The following UBE2E2 variants were observed in gnomAD, a reference collection of about 807,000 sequenced individuals.
The protein encoded by UBE2E2 is ubiquitin conjugating enzyme E2 E2, also known as ubiquitin-conjugating enzyme E2 E2.
A neutral mutation model predicts 24.7 loss-of-function variants in UBE2E2; 6 were observed. The ratio of observed to expected loss-of-function variants is 0.24; its 90% confidence interval spans 0.13 to 0.48. UBE2E2 has a LOEUF of 0.48. Among genes scored for constraint, UBE2E2 ranks in the 20% least tolerant of loss-of-function variants. The probability of loss-of-function intolerance (pLI) is 0.99; values close to 1 mark genes in which losing one functional copy is unlikely to be tolerated. For missense variants in UBE2E2, 169 were observed against 245.0 expected (o/e 0.69, Z 2.07); for synonymous variants, 104 against 83.6 (o/e 1.24, Z -1.33).
At chr3:23,386,481 A>G (rs1448095785) in intron 3 of UBE2E2, among the ~76,000 whole-genome samples, 2 of 152,212 alleles carry the variant, frequency 1.3e-5, no homozygotes, top group African/African-American at 4.8e-5. Context: ...GTAAAGGAAT[A>G]AGAATGATTA....
chr3:23,551,075 A>G (rs1695632351), intron 5 of UBE2E2, among the ~76,000 whole-genome samples: 1 of 152,244 alleles, frequency 6.6e-6, no homozygotes, highest in South Asian at 2.1e-4. Flanking sequence ...ACTCCCTGTT[A>G]GAGTAAAATG....
chr3:23,488,727 T>G (rs1699433600), intron 3 of UBE2E2, among the ~76,000 whole-genome samples: 2 of 152,228 alleles, frequency 1.3e-5, no homozygotes, highest in South Asian at 4.1e-4. Context: ...AGCTTGTTTA[T>G]ACTGCAGATA....
At chr3:23,460,741 A>G (rs1266086934) in intron 3 of UBE2E2, among the ~76,000 whole-genome samples, 3 of 152,182 alleles carry the variant, frequency 2.0e-5, no homozygotes, top group Non-Finnish European at 2.9e-5. Context: ...TGGGCATGCC[A>G]AGGCAGGAGG....
At chr3:23,311,874 A>C (rs1994953) in intron 3 of UBE2E2, among the ~76,000 whole-genome samples, 128,237 of 152,164 alleles carry the variant, frequency 0.84, 54,158 homozygotes, top group African/African-American at 0.9. Context: ...TACAAACAAT[A>C]CAGTTATACT....
At chr3:23,488,524 C>CT (rs1408163233) in intron 3 of UBE2E2, among the ~76,000 whole-genome samples, 1 of 152,086 alleles carries the variant, frequency 6.6e-6, no homozygotes, top group Non-Finnish European at 1.5e-5. Context: ...ATCTTAACTT[C>CT]TAAATGGAAT....
chr3:23,543,451 C>T lies in UBE2E2; in HGVS notation c.508+10750C>T, dbSNP rs756199606. On this transcript the variant is annotated intron_variant, in intron 5 of 5. Coordinates refer to ENST00000396703, the MANE Select transcript of UBE2E2 (RefSeq NM_152653.4). ...TGAGAATCAAATCATGAACTCATTTCCTCTTACAATAGCTGCAAAAATAAA... is the reference window on the plus strand; with the variant it reads ...TGAGAATCAAATCATGAACTCATTTTCTCTTACAATAGCTGCAAAAATAAA... Among the ~76,000 whole-genome samples, 19 of 151,950 alleles carry T rather than the reference C, an allele frequency of 1.3e-4. No homozygotes were observed. The South Asian group carries it at 1.5e-3, about 12-fold the overall frequency.
chr3:23,436,130 A>T (rs1387587980), intron 3 of UBE2E2, among the ~76,000 whole-genome samples: 1 of 152,114 alleles, frequency 6.6e-6, no homozygotes, highest in Admixed American at 6.5e-5. Context: ...CCAGTTCCTA[A>T]CAGGCTACAG....
chr3:23,348,099 G>C (rs1695616037), intron 3 of UBE2E2, among the ~76,000 whole-genome samples: 1 of 152,130 alleles, frequency 6.6e-6, no homozygotes, highest in African/African-American at 2.4e-5. Flanking sequence ...ATCATCGCAA[G>C]ACGACAATGG....
intron 3 of UBE2E2, among the ~76,000 whole-genome samples, chr3:23,351,757 A>T (rs199694803): frequency 2.0e-5 from 3 of 152,186 alleles, no homozygotes; most frequent in African/African-American, 7.2e-5. Flanking sequence ...ACATACAAAG[A>T]GACTTAGACT....
At chr3:23,459,824 C>A (rs1698769665) in intron 3 of UBE2E2, among the ~76,000 whole-genome samples, 2 of 152,144 alleles carry the variant, frequency 1.3e-5, no homozygotes, top group Non-Finnish European at 1.5e-5. Context: ...AATGAAGCCC[C>A]CTTTTCTTAG....
intron 3 of UBE2E2, among the ~76,000 whole-genome samples, chr3:23,223,248 A>G (rs2125326345): frequency 6.7e-6 from 1 of 148,722 alleles, no homozygotes; most frequent in South Asian, 2.1e-4. Flanking sequence ...GCTGGAGTGC[A>G]GTGGCATGAT....
intron 3 of UBE2E2, among the ~76,000 whole-genome samples, chr3:23,286,469 A>C (rs991273037): frequency 6.6e-6 from 1 of 151,902 alleles, no homozygotes; most frequent in East Asian, 1.9e-4. Flanking sequence ...TAGATGTACA[A>C]TTTGTTTCTG....
chr3:23,341,954 A>G (rs1695400527), intron 3 of UBE2E2, among the ~76,000 whole-genome samples: 1 of 152,240 alleles, frequency 6.6e-6, no homozygotes, highest in African/African-American at 2.4e-5. Flanking sequence ...ATAGTTCCAT[A>G]TAACAAAACT....
At chr3:23,445,700 C>T (rs927097664) in intron 3 of UBE2E2, among the ~76,000 whole-genome samples, 7 of 152,116 alleles carry the variant, frequency 4.6e-5, no homozygotes, top group Admixed American at 1.3e-4. Context: ...TTTTTCATGC[C>T]TCCTGAATGT....
At chr3:23,375,595 C>A (rs1575593144) in intron 3 of UBE2E2, among the ~76,000 whole-genome samples, 1 of 152,136 alleles carries the variant, frequency 6.6e-6, no homozygotes, top group East Asian at 1.9e-4. Flanking sequence ...GCTAGGCATA[C>A]TCTTGTAGTT....
At chr3:23,563,241 A>G (rs1304977528) in intron 5 of UBE2E2, among the ~76,000 whole-genome samples, 1 of 152,186 alleles carries the variant, frequency 6.6e-6, no homozygotes, top group Admixed American at 6.5e-5. Flanking sequence ...ACTGCTTTAA[A>G]TGTGTCCTAG....
rs957166499 is a variant in UBE2E2 at position 23,415,723 on chromosome 3, A to G, written c.228-83885A>G. On this transcript the variant is annotated intron_variant, in intron 3 of 5. Transcript: ENST00000396703. Reference sequence around the variant, plus strand: ...ATATCAGTAAATAAAACCCTTTTCCATATTTCTGAAATTATATTCTTCTTT... The same window carrying G: ...ATATCAGTAAATAAAACCCTTTTCCGTATTTCTGAAATTATATTCTTCTTT... Among the ~76,000 whole-genome samples, 12 of 152,134 alleles carry G rather than the reference A, an allele frequency of 7.9e-5. No individual in the cohort carries two copies. The South Asian group carries it at 1.0e-3, about 13-fold the overall frequency.
intron 2 of UBE2E2, among the ~76,000 whole-genome samples, chr3:23,216,204 G>A (rs759758666): frequency 3.9e-5 from 6 of 151,982 alleles, no homozygotes; most frequent in Non-Finnish European, 5.9e-5. Context: ...CTTGAATCAC[G>A]TGGTTTAGAG....
intron 3 of UBE2E2, among the ~76,000 whole-genome samples, chr3:23,297,898 A>G (rs1559337963): frequency 6.6e-6 from 1 of 151,960 alleles, no homozygotes; most frequent in Non-Finnish European, 1.5e-5. Context: ...TTTTCACGAT[A>G]TTGATTCTTC....
Sources: gnomAD v4.1 joint callset for allele counts (sites outside exome capture counted in the v4.1 genomes callset) on GRCh38, gnomAD v4.1.1 for gene constraint, MANE v1.5 for transcripts, NCBI Gene and HGNC (gene_info 2026-07-23, HGNC 2026-07-21) for gene names.